Variants in MARK3 observed in about 807,000 individuals in gnomAD.
The protein encoded by MARK3 is MAP/microtubule affinity-regulating kinase 3.
Under a neutral mutation model 90.1 loss-of-function variants are expected in MARK3, and 46 were observed. The observed-to-expected ratio is 0.51, with a 90% CI of 0.40 to 0.65. The LOEUF (loss-of-function observed/expected upper bound fraction) is 0.65, where lower values mean the gene tolerates loss of function less well. Ranked by LOEUF, MARK3 falls within the 30% of genes least tolerant of loss-of-function variation. The probability of loss-of-function intolerance (pLI) is 0.00; values close to 1 mark genes in which losing one functional copy is unlikely to be tolerated. For missense variants in MARK3, 818 were observed against 947.2 expected (o/e 0.86, Z 1.79); for synonymous variants, 321 against 332.6 (o/e 0.97, Z 0.38).
At chr14:103,459,826 G>A (rs1437218419) in intron 6 of MARK3, among the ~76,000 whole-genome samples, 4 of 151,618 alleles carry the variant, frequency 2.6e-5, no homozygotes, top group African/African-American at 9.7e-5. Context: ...CAATTTCTGT[G>A]CTTTCTAGGA....
At chr14:103,427,408 A>T (rs1198910919) in intron 2 of MARK3, among the ~76,000 whole-genome samples, 1 of 150,922 alleles carries the variant, frequency 6.6e-6, no homozygotes, top group Non-Finnish European at 1.5e-5. Flanking sequence ...CTGAGGGAGT[A>T]GAAACTATGA....
intron 5 of MARK3, among the ~76,000 whole-genome samples, chr14:103,452,632 C>T (rs538263385): frequency 1.3e-4 from 19 of 150,988 alleles, no homozygotes; most frequent in Admixed American, 7.9e-4. Context: ...CTACTACGCC[C>T]GGCTAATTTT....
At chr14:103,463,617 T>G (rs955181657) in intron 7 of MARK3, among the ~76,000 whole-genome samples, 1 of 152,184 alleles carries the variant, frequency 6.6e-6, no homozygotes, top group African/African-American at 2.4e-5. Flanking sequence ...AGCTCACTCT[T>G]TTATGTCCCT....
intron 6 of MARK3, among the ~76,000 whole-genome samples, chr14:103,460,294 T>C (rs10151483): frequency 0.62 from 94,104 of 151,444 alleles, 30,310 homozygotes; most frequent in Middle Eastern, 0.75. Context: ...ACTGTGTTAG[T>C]CAGGATGGTC....
intron 14 of MARK3, among the ~76,000 whole-genome samples, chr14:103,488,058 T>A (rs993145885): frequency 6.1e-5 from 9 of 147,016 alleles, no homozygotes; most frequent in East Asian, 2.0e-4. Context: ...AAAAAAAAAA[T>A]AAATAACATT....
intron 3 of MARK3, among the ~76,000 whole-genome samples, chr14:103,435,749 T>C (rs2092701713): frequency 6.6e-6 from 1 of 151,996 alleles, no homozygotes; most frequent in African/African-American, 2.4e-5. Flanking sequence ...GATGGGGTCT[T>C]GTCCTGTTGC....
Position 103,491,793 on chromosome 14 carries a change from A to C in MARK3, c.1603A>C (p.Arg535=), listed in dbSNP as rs369421148. The stretch of plus-strand genomic sequence containing the variant: ...ATCTCATAGCACTATTCCTGATCAG[A>C]GAACTCCAGTTGCTTCAACACACAG... The part of the protein sequence containing the change: ...GKENSTIPDQ[R]TPVASTHSIS... The change falls in exon 15 of 18, where the codon AGA becomes CGA. Residue 535 remains arginine (R), a synonymous_variant. Coordinates refer to ENST00000429436, the MANE Select transcript of MARK3 (RefSeq NM_001128918.3). 1.5e-5 allele frequency: 24 copies of C among 1,614,048 alleles called. No individual in the cohort carries two copies. The Admixed American group carries it at 3.2e-4, about 21-fold the overall frequency.
intron 2 of MARK3, among the ~76,000 whole-genome samples, chr14:103,416,218 CAA>C (rs1214557038): frequency 1.3e-5 from 2 of 152,162 alleles, no homozygotes; most frequent in Non-Finnish European, 2.9e-5. Flanking sequence ...TGTATTAGCT[CAA>C]GAGAGAATCG....
intron 2 of MARK3, among the ~76,000 whole-genome samples, chr14:103,425,217 G>A (rs2141001179): frequency 6.6e-6 from 1 of 150,894 alleles, no homozygotes; most frequent in African/African-American, 2.4e-5. Flanking sequence ...TGAGACTACA[G>A]GCGTGAGCCA....
intron 4 of MARK3, among the ~76,000 whole-genome samples, chr14:103,449,397 G>A (rs573598050): frequency 1.7e-3 from 211 of 123,574 alleles, no homozygotes; most frequent in Non-Finnish European, 3.1e-3. Flanking sequence ...GCAACAGAGC[G>A]AGACCCCGTC....
At chr14:103,466,137 G>C (rs1332905193) in intron 9 of MARK3, 46 bp downstream of exon 9, 3 of 1,604,268 alleles carry the variant, frequency 1.9e-6, no homozygotes, top group Non-Finnish European at 1.7e-6. Flanking sequence ...AGAGTCTTTA[G>C]AGTGACCTTA....
At chr14:103,410,282 G>C (rs977068672) in intron 2 of MARK3, among the ~76,000 whole-genome samples, 1 of 152,206 alleles carries the variant, frequency 6.6e-6, no homozygotes, top group African/African-American at 2.4e-5. Context: ...AAAGAGTGGG[G>C]AAGGAAGGGA....
chr14:103,436,172 G>A (rs2092712216), intron 3 of MARK3, among the ~76,000 whole-genome samples: 1 of 152,092 alleles, frequency 6.6e-6, no homozygotes. Flanking sequence ...TTACAGGTGT[G>A]GCCACCGTGC....
In MARK3 at chr14:103,457,196, G is replaced by A; in HGVS notation, c.467G>A (p.Arg156Lys). The change falls in exon 6 of 18, where the codon AGA (arginine) becomes AAA (lysine). Residue 156 changes from arginine (R) to lysine (K), a missense_variant. By Grantham distance (26) the Arg-to-Lys change is conservative (BLOSUM62 2). This residue lies in a region of MARK3 where 101 missense variants were observed against 175.1 expected (regional missense o/e 0.58). Transcript: ENST00000429436. ...AHGRMKEKEA[R>K]SKFRQIVSAV... ...GGCAGGATGAAGGAAAAAGAAGCAA[G>A]ATCTAAATTTAGACAGGTATGAATT... is the stretch of plus-strand genomic sequence containing the variant. 8 of 1,608,694 alleles carry A rather than the reference G, an allele frequency of 5.0e-6. No homozygotes were observed. The South Asian group carries it at 8.8e-5, about 18-fold the overall frequency.
intron 14 of MARK3, among the ~76,000 whole-genome samples, chr14:103,485,893 AT>A (rs1293666924): frequency 6.6e-6 from 1 of 152,250 alleles, no homozygotes; most frequent in Non-Finnish European, 1.5e-5. Context: ...ATATTTTTTA[AT>A]TTTAAAAGAT....
At chr14:103,500,121 CCTCTTCT>C in intron 16 of MARK3, 28 bp from the exon 17 acceptor site, 1 of 1,572,248 alleles carries the variant, frequency 6.4e-7, no homozygotes, top group East Asian at 2.2e-5. Context: ...TTTCTCTTTC[CCTCTTCT>C]CTCTGCTTCT....
rs189625831 is a variant in MARK3, at chr14:103,491,840, A to G, written c.1650A>G (p.Pro550=). 29 of 1,614,208 alleles carry G rather than the reference A, an allele frequency of 1.8e-5. No homozygotes were observed. In the African/African-American group the frequency reaches 2.7e-4, roughly 15 times the overall value. Reference sequence around the variant, plus strand: ...ACAGTATCAGTAGTGCAGCCACCCCAGATCGAATCCGCTTCCCAAGAGGCA... The same window carrying G: ...ACAGTATCAGTAGTGCAGCCACCCCGGATCGAATCCGCTTCCCAAGAGGCA... The part of the protein sequence containing the change: ...STHSISSAAT[P]DRIRFPRGTA... The change falls in exon 15 of 18, where the codon CCA becomes CCG. Residue 550 remains proline, a synonymous_variant. Transcript: ENST00000429436.
At chr14:103,477,351 G>A (rs1319655249) in intron 13 of MARK3, among the ~76,000 whole-genome samples, 2 of 152,092 alleles carry the variant, frequency 1.3e-5, no homozygotes, top group Admixed American at 6.5e-5. Context: ...AATTAGCCGG[G>A]TATAGTGGCG....
intron 2 of MARK3, among the ~76,000 whole-genome samples, chr14:103,414,587 T>C (rs1348639991): frequency 6.6e-6 from 1 of 152,234 alleles, no homozygotes; most frequent in Non-Finnish European, 1.5e-5. Flanking sequence ...ATCTTGCCTA[T>C]TGAAGAACTA....
Sources: gnomAD v4.1 joint callset for allele counts (sites outside exome capture counted in the v4.1 genomes callset) on GRCh38, gnomAD v4.1.1 for gene constraint, gnomAD v4.1.1 regional missense constraint, MANE v1.5 for transcripts, NCBI Gene and HGNC (gene_info 2026-07-23, HGNC 2026-07-21) for gene names.